Variants in RUNDC3B observed in about 807,000 individuals in gnomAD.
RUNDC3B encodes the protein RUN domain containing 3B.
A neutral mutation model predicts 58.4 loss-of-function variants in RUNDC3B; 33 were observed. The ratio of observed to expected loss-of-function variants is 0.56; its 90% CI spans 0.43 to 0.75. RUNDC3B has a LOEUF of 0.75. Among genes scored for constraint, RUNDC3B ranks in the 30% least tolerant of loss-of-function variants. The pLI, the probability that RUNDC3B is intolerant of heterozygous loss-of-function variation, is 0.00. For synonymous variants in RUNDC3B, 193 were observed against 195.2 expected (o/e 0.99, Z 0.10); for missense variants, 501 against 535.7 (o/e 0.94, Z 0.64).
intron 10 of RUNDC3B, among the ~76,000 whole-genome samples, chr7:87,817,091 C>T (rs1412896383): frequency 6.6e-6 from 1 of 152,196 alleles, no homozygotes; most frequent in East Asian, 1.9e-4. Context: ...GGGGAACCTG[C>T]ATTCCCTTAA....
intron 6 of RUNDC3B, among the ~76,000 whole-genome samples, chr7:87,763,297 AT>A (rs562009139): frequency 7.6e-4 from 115 of 151,758 alleles, no homozygotes; most frequent in Admixed American, 1.8e-3. Context: ...AGTAGGCATA[AT>A]TGTTACTGTT....
chr7:87,674,197 C>T (rs1826098269), intron 2 of RUNDC3B, among the ~76,000 whole-genome samples: 1 of 152,170 alleles, frequency 6.6e-6, no homozygotes, highest in South Asian at 2.1e-4. Flanking sequence ...TGTGTGCCAG[C>T]ATCTGCAGAA....
chr7:87,778,031 G>A, intron 8 of RUNDC3B, 76 bp downstream of exon 8: 1 of 1,266,878 alleles, frequency 7.9e-7, no homozygotes, highest in Non-Finnish European at 1.1e-6. Flanking sequence ...GATACAGGAG[G>A]CAAATTCCAA....
chr7:87,796,758 G>A (rs1389722752), intron 8 of RUNDC3B, among the ~76,000 whole-genome samples: 2 of 152,148 alleles, frequency 1.3e-5, no homozygotes, highest in African/African-American at 4.8e-5. Flanking sequence ...AATATAAGCT[G>A]AAGACATTCA....
chr7:87,789,459 C>A (rs188643979), intron 8 of RUNDC3B, among the ~76,000 whole-genome samples: 1 of 152,212 alleles, frequency 6.6e-6, no homozygotes, highest in East Asian at 1.9e-4. Context: ...TGATACTATG[C>A]CATTCTGATG....
intron 9 of RUNDC3B, among the ~76,000 whole-genome samples, chr7:87,811,623 C>T (rs1836721564): frequency 6.6e-6 from 1 of 152,158 alleles, no homozygotes; most frequent in African/African-American, 2.4e-5. Context: ...GGATTACAGG[C>T]ATGAGCCACC....
At chr7:87,778,804 AT>A (rs1834785114) in intron 8 of RUNDC3B, among the ~76,000 whole-genome samples, 1 of 152,134 alleles carries the variant, frequency 6.6e-6, no homozygotes, top group Non-Finnish European at 1.5e-5. Flanking sequence ...TGTACTAATC[AT>A]ATTTTGTCAG....
intron 6 of RUNDC3B, among the ~76,000 whole-genome samples, chr7:87,752,336 CT>C (rs1048410672): frequency 1.3e-5 from 2 of 152,082 alleles, no homozygotes; most frequent in Non-Finnish European, 1.5e-5. Context: ...CTAGAATTCT[CT>C]TTTTTGGTTG....
At chr7:87,795,280 G>GA (rs1299121619) in intron 8 of RUNDC3B, among the ~76,000 whole-genome samples, 2 of 151,928 alleles carry the variant, frequency 1.3e-5, no homozygotes, top group African/African-American at 4.8e-5. Context: ...AACTCAATAG[G>GA]AAAAAAATCA....
intron 1 of RUNDC3B, among the ~76,000 whole-genome samples, chr7:87,634,499 G>C (rs1293914372): frequency 7.4e-6 from 1 of 135,904 alleles, no homozygotes; most frequent in Non-Finnish European, 1.6e-5. Flanking sequence ...GGGGGTGGGG[G>C]GGGGGGCACC....
rs1356276227 is a variant in RUNDC3B, at chr7:87,831,312, G to T, written c.*1282G>T. On this transcript the variant is annotated 3_prime_UTR_variant, in exon 11 of 11. Transcript: ENST00000394654. ...TGGTTTTTTTGTTTATTATTATTGA[G>T]AAAAGAGCTGAGGTTACCACATTCA... The T allele has an allele frequency of 6.6e-6, 1 of 151,760 alleles. No individual in the cohort carries two copies. Among genetic ancestry groups the T allele is most frequent in the East Asian group, 1.9e-4 (1 of 5,188 alleles). 9.4% of individuals were successfully genotyped at this position (151,760 alleles called of 1,614,324 possible). A position where few individuals can be genotyped will look rare whatever the true frequency, so the allele number is the denominator to read the frequency against.
At chr7:87,686,359 G>A (rs1456622200) in intron 2 of RUNDC3B, among the ~76,000 whole-genome samples, 1 of 152,100 alleles carries the variant, frequency 6.6e-6, no homozygotes, top group African/African-American at 2.4e-5. Flanking sequence ...GTATATTAAC[G>A]AGCATGGTGT....
intron 2 of RUNDC3B, among the ~76,000 whole-genome samples, chr7:87,656,420 A>C (rs1416050222): frequency 6.6e-6 from 1 of 152,112 alleles, no homozygotes; most frequent in Non-Finnish European, 1.5e-5. Context: ...GAGAAAGCTG[A>C]GGACTGGAAC....
chr7:87,816,382 G>C (rs543345875), intron 10 of RUNDC3B, 120 bp downstream of exon 10: 252 of 719,416 alleles, frequency 3.5e-4, no homozygotes, highest in Middle Eastern at 2.5e-3. Flanking sequence ...AAATTAAGCA[G>C]CCATTATGAT....
chr7:87,717,335 CAG>C (rs201847248), intron 4 of RUNDC3B, among the ~76,000 whole-genome samples: 1,559 of 151,572 alleles, frequency 0.01, 30 homozygotes, highest in African/African-American at 0.036. Flanking sequence ...GAAAAACAAA[CAG>C]AAAAAATAAA....
At chr7:87,818,017 G>A (rs1012127275) in intron 10 of RUNDC3B, among the ~76,000 whole-genome samples, 23 of 151,924 alleles carry the variant, frequency 1.5e-4, no homozygotes, top group African/African-American at 5.6e-4. Context: ...TTCTCAAAGG[G>A]CCTTAATCTT....
In RUNDC3B at chr7:87,759,751, G is replaced by C. The variant is rs558846332; in HGVS notation, c.630-10830G>C. Among the ~76,000 whole-genome samples the C allele has an allele frequency of 5.9e-5, 9 of 151,448 alleles. No homozygotes were observed. The South Asian group carries it at 1.9e-3, about 32-fold the overall frequency. ...AGTTTGAGGCATGAGCTGTGGTCATGCCTTTGCTTTCTAGCCTGGGAAACA... is the reference window on the plus strand; with the variant it reads ...AGTTTGAGGCATGAGCTGTGGTCATCCCTTTGCTTTCTAGCCTGGGAAACA... On this transcript the variant is annotated intron_variant, in intron 6 of 10. Transcript: ENST00000394654.
At chr7:87,736,301 A>G (rs1052660549) in intron 4 of RUNDC3B, among the ~76,000 whole-genome samples, 1 of 152,176 alleles carries the variant, frequency 6.6e-6, no homozygotes, top group Non-Finnish European at 1.5e-5. Flanking sequence ...ATCACATTAG[A>G]TAGTATCAAC....
intron 2 of RUNDC3B, among the ~76,000 whole-genome samples, chr7:87,698,507 G>A (rs527277156): frequency 1.1e-3 from 174 of 152,272 alleles, no homozygotes; most frequent in African/African-American, 4.1e-3. Flanking sequence ...AATATTTGAT[G>A]TTTGTAATCT....
Sources: allele counts gnomAD v4.1 joint callset (sites outside exome capture counted in the v4.1 genomes callset), GRCh38; gene constraint gnomAD v4.1.1; transcripts MANE v1.5; gene names NCBI Gene and HGNC (gene_info 2026-07-23, HGNC 2026-07-21).